Variants in SLIT3 observed in about 807,000 individuals in gnomAD.
SLIT3 encodes the protein slit homolog 3 protein.
SLIT3 carries 68 observed loss-of-function variants against 184.0 expected under a neutral mutation model. That is an observed-to-expected ratio of 0.37 (90% CI 0.30 to 0.45). SLIT3 has a LOEUF of 0.45. Among genes scored for constraint, SLIT3 ranks in the 20% least tolerant of loss-of-function variants. The probability of loss-of-function intolerance (pLI) is 1.00; values close to 1 mark genes in which losing one functional copy is unlikely to be tolerated. For synonymous variants in SLIT3, 831 were observed against 828.6 expected (o/e 1.00, Z -0.05); for missense variants, 1,707 against 2,026.0 (o/e 0.84, Z 3.02).
chr5:169,097,946 G>A (rs769012713), intron 4 of SLIT3, among the ~76,000 whole-genome samples: 3 of 152,184 alleles, frequency 2.0e-5, no homozygotes, highest in Non-Finnish European at 1.5e-5. Context: ...AACCCCCAGG[G>A]AGCCTGAAGC....
intron 1 of SLIT3, among the ~76,000 whole-genome samples, chr5:169,290,925 G>A (rs1209358475): frequency 1.3e-5 from 2 of 152,136 alleles, no homozygotes. Context: ...GGATATGACT[G>A]GTAACAGACA....
rs1364088760 is a variant in SLIT3 at position 169,193,483 on chromosome 5, T to C, written c.409A>G (p.Arg137Gly). The change falls in exon 4 of 36, where the codon AGA becomes GGA. Residue 137 changes from arginine to glycine, a missense_variant. Transcript: ENST00000519560. ...LLFQSTPKLT[R>G]LDLSENQIQG... ...ACACAAGGCAACTCTACTCACAGTCTGGTGAGCTTCGGCGTGCTCTGGAAA... is the reference window on the plus strand; with the variant it reads ...ACACAAGGCAACTCTACTCACAGTCCGGTGAGCTTCGGCGTGCTCTGGAAA... 2 of 1,613,746 alleles carry C rather than the reference T, an allele frequency of 1.2e-6. No individual in the cohort carries two copies. The highest frequency in any genetic ancestry group is 1.7e-6 in the Non-Finnish European group (2 of 1,179,668).
Position 168,662,507 on chromosome 5 carries a change from C to T in SLIT3, c.*3947G>A, listed in dbSNP as rs181664853. 2 of 152,144 alleles carry T rather than the reference C, an allele frequency of 1.3e-5. No individual in the cohort carries two copies. Among genetic ancestry groups the T allele is most frequent in the Admixed American group, 1.3e-4 (2 of 15,284 alleles). 9.4% of individuals were successfully genotyped at this position (152,144 alleles called of 1,614,324 possible). A position where few individuals can be genotyped will look rare whatever the true frequency, so the allele number is the denominator to read the frequency against. ...AGTTATCCCTCTTCTTGCCCTTCTT[C>T]TCATCTTTTTGAAGCATCAGACTTG... On this transcript the variant is annotated 3_prime_UTR_variant, in exon 36 of 36. Transcript: ENST00000519560.
rs951195106 is a variant in SLIT3 at position 169,050,227 on chromosome 5, CAGTT to C, written c.413+143248_413+143251del. Among the ~76,000 whole-genome samples the C allele has an allele frequency of 3.3e-5, 5 of 152,336 alleles. 1 individual carries two copies. The South Asian group carries it at 8.3e-4, about 25-fold the overall frequency. ...ACCTAATTAAAGCAGAGTCACTCGA[CAGTT>C]AGGAATGCAGCACTGTATCTCCTCA... On this transcript the variant is annotated intron_variant, in intron 4 of 35. Transcript: ENST00000519560.
At chr5:169,132,473 A>G (rs1761338396) in intron 4 of SLIT3, among the ~76,000 whole-genome samples, 1 of 152,208 alleles carries the variant, frequency 6.6e-6, no homozygotes, top group African/African-American at 2.4e-5. Flanking sequence ...TCCACGTGCC[A>G]CCAAAAATCA....
intron 4 of SLIT3, among the ~76,000 whole-genome samples, chr5:168,906,973 G>A (rs890387848): frequency 3.3e-5 from 5 of 152,024 alleles, no homozygotes; most frequent in Non-Finnish European, 7.4e-5. Context: ...CGATTCTCCT[G>A]CCTCAGCCTC....
intron 1 of SLIT3, among the ~76,000 whole-genome samples, chr5:169,278,980 G>A (rs1223871168): frequency 1.4e-4 from 21 of 152,266 alleles, no homozygotes; most frequent in African/African-American, 4.8e-4. Context: ...GTACCATGAG[G>A]ACCCGGGAGA....
At chr5:168,939,585 T>G (rs1000077089) in intron 4 of SLIT3, among the ~76,000 whole-genome samples, 1 of 152,206 alleles carries the variant, frequency 6.6e-6, no homozygotes, top group African/African-American at 2.4e-5. Flanking sequence ...AGTTCTCCTA[T>G]AAAATAAGCT....
intron 4 of SLIT3, among the ~76,000 whole-genome samples, chr5:169,053,903 C>G (rs987354511): frequency 6.6e-6 from 1 of 152,008 alleles, no homozygotes; most frequent in African/African-American, 2.4e-5. Flanking sequence ...GCCTGGCCAA[C>G]ATGGTGAAAC....
chr5:168,751,378 C>A (rs529150967), intron 18 of SLIT3, among the ~76,000 whole-genome samples: 1 of 152,214 alleles, frequency 6.6e-6, no homozygotes, highest in Non-Finnish European at 1.5e-5. Flanking sequence ...GGAAATACGA[C>A]GAGCAGCTGT....
chr5:169,159,153 G>A (rs1308408997), intron 4 of SLIT3, among the ~76,000 whole-genome samples: 3 of 152,152 alleles, frequency 2.0e-5, no homozygotes, highest in Admixed American at 2.0e-4. Context: ...GGGAGGCCGA[G>A]GTGGGCAGAT....
At chr5:168,762,712 C>A in intron 14 of SLIT3, 23 bp from the exon 15 acceptor site, 2 of 1,608,506 alleles carry the variant, frequency 1.2e-6, no homozygotes, top group Non-Finnish European at 1.7e-6. Context: ...AAAGAGGGGA[C>A]GTCAGCGTCA....
intron 4 of SLIT3, among the ~76,000 whole-genome samples, chr5:169,034,466 T>C (rs1245990017): frequency 5.3e-5 from 8 of 152,230 alleles, no homozygotes; most frequent in Non-Finnish European, 1.5e-5. Flanking sequence ...TTCTTTTACA[T>C]GTGGAAATTC....
chr5:169,090,523 C>A (rs868097347), intron 4 of SLIT3, among the ~76,000 whole-genome samples: 1 of 152,206 alleles, frequency 6.6e-6, no homozygotes, highest in Non-Finnish European at 1.5e-5. Flanking sequence ...TCCCACCCCA[C>A]CTCAGGCTGG....
chr5:169,118,330 G>A, intron 4 of SLIT3, among the ~76,000 whole-genome samples: 1 of 152,178 alleles, frequency 6.6e-6, no homozygotes, highest in South Asian at 2.1e-4. Flanking sequence ...GGACATGTGT[G>A]TGCTGGGGGT....
At chr5:168,670,183 G>A (rs1265123930) in intron 34 of SLIT3, among the ~76,000 whole-genome samples, 192 bp from the exon 35 acceptor site, 1 of 152,180 alleles carries the variant, frequency 6.6e-6, no homozygotes, top group South Asian at 2.1e-4. Flanking sequence ...AGAAGCCTGC[G>A]AGTGTCACCC....
intron 1 of SLIT3, among the ~76,000 whole-genome samples, chr5:169,293,483 T>A (rs1182288086): frequency 6.6e-6 from 1 of 152,086 alleles, no homozygotes; most frequent in Non-Finnish European, 1.5e-5. Flanking sequence ...CTGATCATGC[T>A]CTGATAGGAG....
At chr5:168,884,549 G>GATAT (rs58407375) in intron 4 of SLIT3, among the ~76,000 whole-genome samples, 4,560 of 41,030 alleles carry the variant, frequency 0.11, 727 homozygotes, top group Middle Eastern at 0.17. Context: ...CCAATTACGA[G>GATAT]ATATATATAT....
intron 4 of SLIT3, among the ~76,000 whole-genome samples, chr5:169,129,923 A>T (rs566285578): frequency 3.3e-5 from 5 of 152,194 alleles, no homozygotes; most frequent in Admixed American, 2.0e-4. Flanking sequence ...ATCTCGGCTC[A>T]CTGCAACCTC....
Sources: allele counts gnomAD v4.1 joint callset (sites outside exome capture counted in the v4.1 genomes callset), GRCh38; gene constraint gnomAD v4.1.1; transcripts MANE v1.5; gene names NCBI Gene and HGNC (gene_info 2026-07-23, HGNC 2026-07-21).